MUCL1: variants seen among roughly 807,000 people sequenced by gnomAD.
The protein encoded by MUCL1 is mucin-like protein 1.
A neutral mutation model predicts 9.2 loss-of-function variants in MUCL1; 11 were observed. That is an observed-to-expected ratio of 1.19 (90% CI 0.75 to 1.97). The LOEUF is 1.97. MUCL1 is among the 30% of genes most tolerant of loss of function. MUCL1 has a pLI of 0.00. For missense variants in MUCL1, 144 were observed against 110.9 expected, an observed-to-expected ratio of 1.30 and a Z score of -1.34; for synonymous variants, 48 against 40.5, an observed-to-expected ratio of 1.19 and a Z score of -0.71.
At chr12:54,841,905 C>G (rs1414970415) in intron 1 of MUCL1, among the ~76,000 whole-genome samples, 1 of 152,110 alleles carries the variant, frequency 6.6e-6, no homozygotes, top group East Asian at 1.9e-4. Flanking sequence ...AGGAGGCATT[C>G]TCTTATGTTT....
chr12:54,852,189 A>G (rs1173934872), upstream of MUCL1, among the ~76,000 whole-genome samples: 11 of 152,190 alleles, frequency 7.2e-5, 1 homozygote, highest in South Asian at 4.1e-4. Flanking sequence ...AAAAGAGCCC[A>G]CATTGCCAAG....
upstream of MUCL1, among the ~76,000 whole-genome samples, chr12:54,850,883 T>C (rs1350678920): frequency 6.6e-6 from 1 of 152,178 alleles, no homozygotes; most frequent in African/African-American, 2.4e-5. Flanking sequence ...CTCACTGTGG[T>C]TTTGATTTGC....
chr12:54,845,398 G>A (rs1019277130), intron 1 of MUCL1, among the ~76,000 whole-genome samples: 5 of 152,154 alleles, frequency 3.3e-5, no homozygotes, highest in African/African-American at 1.2e-4. Flanking sequence ...TTTACAGGCA[G>A]AGAATAACAA....
chr12:54,853,317 T>C (rs143014378), upstream of MUCL1, among the ~76,000 whole-genome samples: 39 of 152,288 alleles, frequency 2.6e-4, no homozygotes, highest in Admixed American at 4.6e-4. Context: ...CAGCACTTGA[T>C]TGTGCTGTAA....
chr12:54,833,571 C>G (rs907448399), intron 1 of MUCL1, among the ~76,000 whole-genome samples: 17 of 151,978 alleles, frequency 1.1e-4, no homozygotes, highest in African/African-American at 3.9e-4. Context: ...TTATTCAAAA[C>G]TTTTCCCCAA....
chr12:54,836,466 G>A (rs11611804), upstream of MUCL1, among the ~76,000 whole-genome samples: 6,719 of 152,138 alleles, frequency 0.044, 175 homozygotes, highest in Middle Eastern at 0.11. Flanking sequence ...GAGCTTATTT[G>A]AATCTTCTCT....
intron 1 of MUCL1, among the ~76,000 whole-genome samples, chr12:54,834,154 AC>A (rs933489746): frequency 6.6e-6 from 1 of 152,080 alleles, no homozygotes; most frequent in Non-Finnish European, 1.5e-5. Flanking sequence ...ATTTGCGTGA[AC>A]TTCATGAACT....
chr12:54,850,550 A>G (rs1265392777), upstream of MUCL1, among the ~76,000 whole-genome samples: 2 of 152,082 alleles, frequency 1.3e-5, no homozygotes, highest in East Asian at 1.9e-4. Context: ...TTCTTAATCC[A>G]GTCTATCATT....
rs916819517 is a variant in MUCL1 at position 54,854,744 on chromosome 12, T to C, written c.58+104T>C. 126 of 969,370 alleles carry C rather than the reference T, an allele frequency of 1.3e-4. No individual in the cohort carries two copies. In the African/African-American group the frequency reaches 1.6e-3, roughly 12 times the overall value. 60.0% of individuals were successfully genotyped at this position (969,370 alleles called of 1,614,324 possible). ...GTTGCTTAGAATGTGCTTTTTTACC[T>C]CTCCTAACTTGTTCTATCACCATTT... On this transcript the variant is annotated intron_variant, in intron 1 of 3. Transcript: ENST00000308796.
chr12:54,858,311 A>G lies in MUCL1; in HGVS notation c.*69A>G. ...ATGCTTCCTGTGATTTCATCCAACT[A>G]CTTACCTTGCCTACGATATCCCCTT... On this transcript the variant is annotated 3_prime_UTR_variant, in exon 4 of 4. Coordinates refer to ENST00000308796, the MANE Select transcript of MUCL1 (RefSeq NM_058173.3). The G allele has an allele frequency of 6.4e-7, 1 of 1,573,970 alleles. No homozygotes were observed. Among genetic ancestry groups the G allele is most frequent in the Non-Finnish European group, 8.7e-7 (1 of 1,143,892 alleles).
chr12:54,857,852 A>G (rs1459311892), intron 3 of MUCL1, among the ~76,000 whole-genome samples: 2 of 152,126 alleles, frequency 1.3e-5, no homozygotes, highest in Admixed American at 1.3e-4. Context: ...TCTGTCAATA[A>G]TCTGTAAAGT....
upstream of MUCL1, among the ~76,000 whole-genome samples, chr12:54,836,904 T>C (rs1592245216): frequency 6.6e-6 from 1 of 152,356 alleles, no homozygotes; most frequent in East Asian, 1.9e-4. Context: ...GGGTTCTTTT[T>C]GGAGTTTATT....
Position 54,833,390 on chromosome 12 carries a change from T to C in MUCL1, n.357+2515T>C, listed in dbSNP as rs995078122. ...TGTATAGATGAGATCCACATATCTT[T>C]ACAGTTATATACACCTTTCCAATAC... is the stretch of plus-strand genomic sequence containing the variant. On this transcript the variant is annotated intron_variant and non_coding_transcript_variant, in intron 1 of 3. Transcript: ENST00000547990. Among the ~76,000 whole-genome samples, 6 of 152,302 alleles carry C rather than the reference T, an allele frequency of 3.9e-5. No homozygotes were observed. The South Asian group carries it at 1.2e-3, about 32-fold the overall frequency.
intron 1 of MUCL1, among the ~76,000 whole-genome samples, chr12:54,832,986 A>T (rs929132216): frequency 2.6e-5 from 4 of 152,090 alleles, no homozygotes; most frequent in African/African-American, 9.7e-5. Context: ...TTATCATCAG[A>T]TCTTTAACCT....
intron 1 of MUCL1, among the ~76,000 whole-genome samples, chr12:54,842,579 T>C (rs1478737015): frequency 1.3e-5 from 2 of 152,152 alleles, no homozygotes; most frequent in Non-Finnish European, 2.9e-5. Context: ...CACAAATACG[T>C]ACATTGTTAT....
At chr12:54,842,810 C>A (rs1959219155) in intron 1 of MUCL1, among the ~76,000 whole-genome samples, 1 of 152,054 alleles carries the variant, frequency 6.6e-6, no homozygotes, top group African/African-American at 2.4e-5. Flanking sequence ...TGCCTGATTG[C>A]CCTGTTTGAA....
upstream of MUCL1, among the ~76,000 whole-genome samples, chr12:54,836,414 T>C (rs567883937): frequency 9.3e-4 from 141 of 152,310 alleles, no homozygotes; most frequent in Non-Finnish European, 3.7e-4. Flanking sequence ...TTATCTTTTG[T>C]ATTTCTGTGT....
At chr12:54,842,095 C>G (rs567912188) in intron 1 of MUCL1, among the ~76,000 whole-genome samples, 60 of 152,232 alleles carry the variant, frequency 3.9e-4, no homozygotes, top group African/African-American at 9.1e-4. Context: ...TGCCTTCAAT[C>G]TATAAATTAC....
At chr12:54,838,573 G>T (rs1266645528), upstream of MUCL1, among the ~76,000 whole-genome samples, 1 of 152,036 alleles carries the variant, frequency 6.6e-6, no homozygotes, top group African/African-American at 2.4e-5. Context: ...ATGATTCTTA[G>T]GTTTGGCTGT....
Sources: allele counts gnomAD v4.1 joint callset (sites outside exome capture counted in the v4.1 genomes callset), GRCh38; gene constraint gnomAD v4.1.1; transcripts MANE v1.5; gene names NCBI Gene and HGNC (gene_info 2026-07-23, HGNC 2026-07-21).